Variants in NEK1 observed in about 807,000 individuals in gnomAD.
The protein encoded by NEK1 is NIMA related kinase 1.
In NEK1, 137 loss-of-function variants were observed where a neutral mutation model predicts 182.1. That is an observed-to-expected ratio of 0.75 (90% confidence interval 0.65 to 0.87). NEK1 has a LOEUF of 0.87. NEK1 is among the 40% of genes least tolerant of loss of function. NEK1 has a pLI of 0.00. For synonymous variants in NEK1, 513 were observed against 492.2 expected (o/e 1.04, Z -0.56); for missense variants, 1,391 against 1,494.4 (o/e 0.93, Z 1.14).
chr4:169,587,378 T>C (rs887568418), intron 9 of NEK1, among the ~76,000 whole-genome samples, 181 bp downstream of exon 9: 11 of 151,842 alleles, frequency 7.2e-5, no homozygotes, highest in Non-Finnish European at 1.3e-4. Context: ...ATACCAGATA[T>C]GCATATATAC....
At position 169,500,087 on chromosome 4, in the gene NEK1, G is replaced by C. The variant is rs549986757; in HGVS notation, c.2007+6950C>G. Reference sequence around the variant, plus strand: ...CCGGCCACTTTGTTTACCTACTCAAGCCTTGGCAATGGTGGGCACCCCTCC... The same window carrying C: ...CCGGCCACTTTGTTTACCTACTCAACCCTTGGCAATGGTGGGCACCCCTCC... On this transcript the variant is annotated intron_variant, in intron 23 of 35. Transcript: ENST00000507142. Among the ~76,000 whole-genome samples, 4 of 152,258 alleles carry C rather than the reference G, an allele frequency of 2.6e-5. No individual in the cohort carries two copies. The South Asian group carries it at 6.2e-4, about 24-fold the overall frequency.
chr4:169,534,512 A>C (rs911168306), intron 19 of NEK1, among the ~76,000 whole-genome samples: 1 of 152,214 alleles, frequency 6.6e-6, no homozygotes, highest in Non-Finnish European at 1.5e-5. Context: ...GGGTCCCTAG[A>C]GCTTCCTGCT....
intron 18 of NEK1, among the ~76,000 whole-genome samples, chr4:169,539,572 T>C (rs1398300831): frequency 6.6e-6 from 1 of 152,080 alleles, no homozygotes; most frequent in East Asian, 1.9e-4. Flanking sequence ...TGACATAAAA[T>C]TAATAAGGTA....
At chr4:169,585,660 C>T (rs1767416395) in intron 9 of NEK1, 111 bp from the exon 10 acceptor site, 2 of 620,270 alleles carry the variant, frequency 3.2e-6, no homozygotes, top group Non-Finnish European at 5.2e-6. Context: ...AAACACAATC[C>T]TCTTCCAAAT....
intron 2 of NEK1, among the ~76,000 whole-genome samples, chr4:169,608,859 T>A (rs1055177338): frequency 6.6e-6 from 1 of 151,920 alleles, no homozygotes; most frequent in South Asian, 2.1e-4. Context: ...AGGAGTTTGA[T>A]GTCAGGCTGA....
intron 2 of NEK1, among the ~76,000 whole-genome samples, chr4:169,611,441 A>C (rs1772310938): frequency 6.6e-6 from 1 of 152,226 alleles, no homozygotes; most frequent in East Asian, 1.9e-4. Flanking sequence ...ATACTGCTGC[A>C]TCATAAAAAA....
At chr4:169,470,198 G>A (rs1745696564) in intron 26 of NEK1, among the ~76,000 whole-genome samples, 1 of 152,110 alleles carries the variant, frequency 6.6e-6, no homozygotes, top group Admixed American at 6.5e-5. Flanking sequence ...CTGCCCATTA[G>A]TTAGATGCAG....
intron 26 of NEK1, among the ~76,000 whole-genome samples, 182 bp from the exon 27 acceptor site, chr4:169,463,577 T>A (rs1165439417): frequency 6.6e-6 from 1 of 152,082 alleles, no homozygotes. Flanking sequence ...AAACTAGCAA[T>A]AAAAATATAT....
chr4:169,508,395 T>C (rs1753661275), intron 20 of NEK1, 64 bp from the exon 21 acceptor site: 1 of 1,320,498 alleles, frequency 7.6e-7, no homozygotes, highest in Non-Finnish European at 1.0e-6. Context: ...TTTTTACTGC[T>C]AGATTTTTTT....
intron 27 of NEK1, among the ~76,000 whole-genome samples, chr4:169,450,913 T>TG (rs1401144153): frequency 1.3e-5 from 2 of 152,142 alleles, no homozygotes; most frequent in Non-Finnish European, 2.9e-5. Context: ...AAGATGCACA[T>TG]AGGCTCAAAA....
chr4:169,530,411 A>T (rs1291874919), intron 19 of NEK1, among the ~76,000 whole-genome samples: 1 of 152,152 alleles, frequency 6.6e-6, no homozygotes, highest in Non-Finnish European at 1.5e-5. Context: ...TTCCACTTTC[A>T]GTACAGTATT....
At chr4:169,425,167 T>C (rs1225773886) in intron 30 of NEK1, among the ~76,000 whole-genome samples, 1 of 148,628 alleles carries the variant, frequency 6.7e-6, no homozygotes, top group Non-Finnish European at 1.5e-5. Flanking sequence ...AGACTCTCTC[T>C]CCACAAAAAA....
chr4:169,437,309 C>T (rs894255767), intron 28 of NEK1, among the ~76,000 whole-genome samples: 37 of 152,058 alleles, frequency 2.4e-4, no homozygotes, highest in Non-Finnish European at 7.4e-5. Flanking sequence ...CACGGCCTGA[C>T]TTTGTTATCA....
At chr4:169,512,173 T>C (rs920290459) in intron 19 of NEK1, among the ~76,000 whole-genome samples, 3 of 152,186 alleles carry the variant, frequency 2.0e-5, no homozygotes, top group Non-Finnish European at 4.4e-5. Flanking sequence ...AGTCCATTTT[T>C]AGTTTAAAAA....
rs1422842876 is a variant in NEK1, at chr4:169,537,831, TTATTCTGCA to T, written c.1634_1642del (p.Met545_Asn547del). ...TACCATATGTCCTTCGGCTCGAGCTTTATTCTGCATAGCTTCCCGTTTTCGCTGCAGGAA... is the reference window on the plus strand; with the variant it reads ...TACCATATGTCCTTCGGCTCGAGCTTTAGCTTCCCGTTTTCGCTGCAGGAA... On this transcript the variant is annotated inframe_deletion, in exon 19 of 36. Coordinates refer to ENST00000507142, the MANE Select transcript of NEK1 (RefSeq NM_001199397.3). 4.3e-6 allele frequency: 7 copies of T among 1,612,938 alleles called. No individual in the cohort carries two copies. The highest frequency in any genetic ancestry group is 5.9e-6 in the Non-Finnish European group (7 of 1,179,216).
Position 169,507,709 on chromosome 4 carries a change from C to G in NEK1, c.1911+6G>C, listed in dbSNP as rs768728590. On this transcript the variant is annotated splice_donor_region_variant and intron_variant, in intron 22 of 35. Transcript: ENST00000507142. ...TAAGAAAACCTGTATCATTTCTAGT[C>G]TATACCTTCAGTGATTCGATTTTTT... The G allele has an allele frequency of 7.5e-6, 12 of 1,607,838 alleles. No individual in the cohort carries two copies. In the East Asian group the frequency reaches 1.6e-4, roughly 21 times the overall value.
intron 18 of NEK1, among the ~76,000 whole-genome samples, chr4:169,548,283 T>A (rs759267800): frequency 5.9e-5 from 9 of 152,224 alleles, no homozygotes; most frequent in Non-Finnish European, 1.0e-4. Context: ...CGCCTGGGTA[T>A]CACTGGCAGA....
rs778185269 is a variant in NEK1 at position 169,477,474 on chromosome 4, C to T, written c.2163G>A (p.Arg721=). The T allele has an allele frequency of 2.8e-5, 45 of 1,607,288 alleles. No homozygotes were observed. The highest frequency in any genetic ancestry group is 1.7e-4 in the Middle Eastern group (1 of 6,028). ...VGVDSSLTDT[R]ETSEEMQKTN... ...TCTTTTGCATCTCTTCTGAAGTTTC[C>T]CGGGTATCAGTTAAACTACTGTCCT... Residue 721 remains arginine, a synonymous_variant, in exon 25 of 36, where the codon CGG becomes CGA. Coordinates refer to ENST00000507142, the MANE Select transcript of NEK1 (RefSeq NM_001199397.3).
intron 27 of NEK1, among the ~76,000 whole-genome samples, chr4:169,458,698 C>A (rs935985297): frequency 1.3e-5 from 2 of 151,810 alleles, no homozygotes; most frequent in Non-Finnish European, 2.9e-5. Flanking sequence ...CATGGTGGTG[C>A]ATACCTGTTG....
Sources: gnomAD v4.1 joint callset for allele counts (sites outside exome capture counted in the v4.1 genomes callset) on GRCh38, gnomAD v4.1.1 for gene constraint, MANE v1.5 for transcripts, NCBI Gene and HGNC (gene_info 2026-07-23, HGNC 2026-07-21) for gene names.